The following CACNA1A variants were observed in gnomAD, a reference collection of about 807,000 sequenced individuals.
CACNA1A encodes voltage-dependent P/Q-type calcium channel subunit alpha-1A.
CACNA1A carries 57 observed loss-of-function variants against 262.4 expected under a neutral mutation model. That is an observed-to-expected ratio of 0.22 (90% CI 0.18 to 0.27). CACNA1A has a LOEUF of 0.27. Among genes scored for constraint, CACNA1A ranks in the 10% least tolerant of loss-of-function variants. The pLI is 1.00. For synonymous variants in CACNA1A, 1,431 were observed against 1,419.3 expected, an observed-to-expected ratio of 1.01 and a Z score of -0.18; for missense variants, 2,526 against 3,562.8, an observed-to-expected ratio of 0.71 and a Z score of 7.41.
chr19:13,285,763 A>C (rs1360898376), intron 20 of CACNA1A, among the ~76,000 whole-genome samples: 4 of 151,882 alleles, frequency 2.6e-5, no homozygotes, highest in Non-Finnish European at 4.4e-5. Flanking sequence ...CAGCCTGCTT[A>C]TGTGCCCACG....
rs1384423960 is a variant in CACNA1A, at chr19:13,379,947, T to G, written c.540-8168A>C. Among the ~76,000 whole-genome samples the G allele has an allele frequency of 4.7e-3, 530 of 111,830 alleles. 2 individuals carry two copies. The highest frequency in any genetic ancestry group is 7.0e-3 in the Non-Finnish European group (393 of 55,774). 73.4% of individuals were successfully genotyped at this position (111,830 alleles called of 152,430 possible). On this transcript the variant is annotated intron_variant, in intron 3 of 46. Coordinates refer to ENST00000360228, the MANE Select transcript of CACNA1A (RefSeq NM_001127222.2). ...CAAAAAAAAAAAAAAAAAAAAAAAG[T>G]GTTTAGACCAGCACTGCCCAGGAGA...
At chr19:13,384,882 C>A (rs1204022063) in intron 3 of CACNA1A, among the ~76,000 whole-genome samples, 2 of 151,928 alleles carry the variant, frequency 1.3e-5, no homozygotes, top group African/African-American at 4.8e-5. Context: ...TGAGGGAGAA[C>A]AAGAGGAGAA....
rs886043622 is a variant in CACNA1A, at chr19:13,231,794, C to T, written c.5316G>A (p.Lys1772=). 9 of 1,613,752 alleles carry T rather than the reference C, an allele frequency of 5.6e-6. No homozygotes were observed. The highest frequency in any genetic ancestry group is 7.6e-6 in the Non-Finnish European group (9 of 1,179,796). The change falls in exon 35 of 47, where the codon AAG becomes AAA. Residue 1772 remains lysine, a synonymous_variant. Transcript: ENST00000360228. ...ACTCTCGAGTCAGGATGCCAGAGTTCTTATCACACGGTTTCCCGCTGAGGC... is the reference window on the plus strand; with the variant it reads ...ACTCTCGAGTCAGGATGCCAGAGTTTTTATCACACGGTTTCCCGCTGAGGC... ...LSCLSGKPCD[K]NSGILTRECG... is the part of the protein sequence containing the mutation.
At chr19:13,370,215 C>T (rs543168511) in intron 4 of CACNA1A, among the ~76,000 whole-genome samples, 1 of 151,066 alleles carries the variant, frequency 6.6e-6, no homozygotes, top group South Asian at 2.1e-4. Flanking sequence ...ATTCTCCTGC[C>T]TCAGCCTCCC....
At chr19:13,493,040 G>C (rs920195452) in intron 1 of CACNA1A, among the ~76,000 whole-genome samples, 8 of 152,192 alleles carry the variant, frequency 5.3e-5, no homozygotes, top group Admixed American at 4.6e-4. Flanking sequence ...AGGGGAAGGA[G>C]AGAGAAGGGG....
intron 1 of CACNA1A, among the ~76,000 whole-genome samples, chr19:13,501,231 A>T (rs190984303): frequency 6.6e-6 from 1 of 151,466 alleles, no homozygotes; most frequent in Non-Finnish European, 1.5e-5. Flanking sequence ...AAAAAAAAGT[A>T]CAGTGGTGCA....
intron 10 of CACNA1A, among the ~76,000 whole-genome samples, chr19:13,318,740 G>T (rs1199342102): frequency 1.3e-5 from 2 of 152,064 alleles, no homozygotes; most frequent in African/African-American, 4.8e-5. Flanking sequence ...AGAGGGATGA[G>T]CCAAGGTGAA....
chr19:13,266,408 T>C (rs2056864982), intron 24 of CACNA1A, among the ~76,000 whole-genome samples: 1 of 152,006 alleles, frequency 6.6e-6, no homozygotes, highest in Non-Finnish European at 1.5e-5. Context: ...AGAATACATG[T>C]TGATAGAAAA....
chr19:13,263,648 G>A (rs2056793376), intron 24 of CACNA1A: 1 of 152,354 alleles, frequency 6.6e-6, no homozygotes, highest in African/African-American at 2.4e-5. Flanking sequence ...GCCTCTCCAA[G>A]TAGCTGGGAC....
intron 15 of CACNA1A, 35 bp downstream of exon 15, chr19:13,307,747 A>G: frequency 1.3e-6 from 2 of 1,569,154 alleles, no homozygotes; most frequent in Non-Finnish European, 1.8e-6. Context: ...TGACACTGAG[A>G]GGTGTTGGCC....
chr19:13,418,289 G>A (rs1334970443), intron 3 of CACNA1A, among the ~76,000 whole-genome samples: 3 of 152,038 alleles, frequency 2.0e-5, no homozygotes, highest in African/African-American at 7.2e-5. Context: ...TGGAGGTGGG[G>A]GCAGAACCCT....
intron 38 of CACNA1A, among the ~76,000 whole-genome samples, chr19:13,215,422 C>A (rs1162202432): frequency 6.8e-6 from 1 of 148,120 alleles, no homozygotes; most frequent in African/African-American, 2.5e-5. Flanking sequence ...TGGGTTCAAG[C>A]GATTCTCCTG....
chr19:13,416,906 G>A (rs2060231890), intron 3 of CACNA1A, among the ~76,000 whole-genome samples: 1 of 152,176 alleles, frequency 6.6e-6, no homozygotes, highest in African/African-American at 2.4e-5. Context: ...GGCTGAGGCA[G>A]GAGGATTGTT....
At chr19:13,456,127 G>T (rs931598837) in intron 1 of CACNA1A, among the ~76,000 whole-genome samples, 11 of 151,702 alleles carry the variant, frequency 7.3e-5, no homozygotes, top group African/African-American at 2.7e-4. Context: ...TCTAGCCTGG[G>T]CAACAGAGCA....
intron 9 of CACNA1A, among the ~76,000 whole-genome samples, chr19:13,331,673 CTTTT>C (rs112950431): frequency 5.9e-5 from 9 of 151,362 alleles, no homozygotes; most frequent in Non-Finnish European, 8.8e-5. Context: ...TCTCTAAATT[CTTTT>C]TTTTTCTTTT....
chr19:13,438,196 C>G (rs1009888825), intron 3 of CACNA1A, among the ~76,000 whole-genome samples: 1 of 152,162 alleles, frequency 6.6e-6, no homozygotes, highest in Admixed American at 6.5e-5. Flanking sequence ...GGAAAGGAAT[C>G]TGAAAATATG....
chr19:13,220,887 A>C (rs2055193740), intron 38 of CACNA1A, among the ~76,000 whole-genome samples: 1 of 151,944 alleles, frequency 6.6e-6, no homozygotes, highest in Non-Finnish European at 1.5e-5. Flanking sequence ...TGGCTTCCCA[A>C]AGTGCTGGGA....
chr19:13,419,949 G>A (rs985195588), intron 3 of CACNA1A, among the ~76,000 whole-genome samples: 2 of 151,880 alleles, frequency 1.3e-5, no homozygotes, highest in African/African-American at 4.8e-5. Flanking sequence ...AGCTGGGTAT[G>A]GTGGCGGACA....
intron 3 of CACNA1A, 54 bp downstream of exon 3, chr19:13,452,822 G>T (rs997221229): frequency 6.4e-7 from 1 of 1,560,732 alleles, no homozygotes; most frequent in Admixed American, 1.8e-5. Context: ...CCAACCAAAA[G>T]CCTCGTAATC....
Sources: gnomAD v4.1 joint callset for allele counts (sites outside exome capture counted in the v4.1 genomes callset) on GRCh38, gnomAD v4.1.1 for gene constraint, MANE v1.5 for transcripts, NCBI Gene and HGNC (gene_info 2026-07-23, HGNC 2026-07-21) for gene names.